Variants in SPMIP11 observed in about 807,000 individuals in gnomAD.
SPMIP11 encodes long intergenic non-protein coding RNA 935.
the SPMIP11 span, among the ~76,000 whole-genome samples, chr12:48,759,867 G>C: frequency 0.06 from 9,058 of 151,648 alleles, 880 homozygotes; most frequent in African/African-American, 0.21. Flanking sequence ...AGTGCAATGG[G>C]GCCATCTCAG....
At chr12:48,766,520 T>C in the SPMIP11 span, 1 of 152,638 alleles carries the variant, frequency 6.6e-6, no homozygotes. Context: ...CACCAAGTAG[T>C]CTCTTCCTAT....
At chr12:48,754,685 C>T in the SPMIP11 span, among the ~76,000 whole-genome samples, 1 of 151,766 alleles carries the variant, frequency 6.6e-6, no homozygotes, top group Non-Finnish European at 1.5e-5. Flanking sequence ...CTCCTGACCT[C>T]GTGATCCACC....
At chr12:48,745,222 G>A in the SPMIP11 span, among the ~76,000 whole-genome samples, 1,687 of 151,558 alleles carry the variant, frequency 0.011, 28 homozygotes, top group African/African-American at 0.04. Flanking sequence ...AGCTTGCAGT[G>A]AGCCGAGATC....
chr12:48,759,669 C>CAAA, the SPMIP11 span, among the ~76,000 whole-genome samples: 2 of 78,978 alleles, frequency 2.5e-5, no homozygotes, highest in Admixed American at 3.0e-4. Context: ...CACTTTGTCT[C>CAAA]AAAAAAAAAA....
At chr12:48,735,369 A>G in the SPMIP11 span, among the ~76,000 whole-genome samples, 1 of 152,182 alleles carries the variant, frequency 6.6e-6, no homozygotes, top group Admixed American at 6.6e-5. Context: ...ACTCTTCGGG[A>G]GGCCGAGGTG....
the SPMIP11 span, among the ~76,000 whole-genome samples, chr12:48,757,163 G>A: frequency 6.6e-5 from 10 of 152,058 alleles, no homozygotes; most frequent in Non-Finnish European, 1.3e-4. Flanking sequence ...TGACAGAATG[G>A]ATGGAACAGC....
the SPMIP11 span, among the ~76,000 whole-genome samples, chr12:48,751,375 AG>A: frequency 6.6e-6 from 1 of 152,172 alleles, no homozygotes; most frequent in Non-Finnish European, 1.5e-5. Context: ...GCACTTTGGG[AG>A]GCTTAGGCAA....
the SPMIP11 span, among the ~76,000 whole-genome samples, chr12:48,746,645 T>G: frequency 1.3e-5 from 2 of 151,406 alleles, no homozygotes; most frequent in African/African-American, 2.4e-5. Context: ...GATTACAGGC[T>G]TGAGCCACCA....
the SPMIP11 span, among the ~76,000 whole-genome samples, chr12:48,738,748 A>G: frequency 6.6e-6 from 1 of 151,944 alleles, no homozygotes; most frequent in Non-Finnish European, 1.5e-5. Flanking sequence ...GACAAAATGC[A>G]TTTTTATGAC....
At chr12:48,751,405 G>C in the SPMIP11 span, among the ~76,000 whole-genome samples, 1 of 152,132 alleles carries the variant, frequency 6.6e-6, no homozygotes, top group South Asian at 2.1e-4. Context: ...CTTGAGCCCA[G>C]GGGTCTGAGA....
chr12:48,771,061 T>G, the SPMIP11 span: 46 of 1,261,690 alleles, frequency 3.6e-5, no homozygotes, highest in South Asian at 6.0e-4. This position sits in a 1 kb window ranked among gnomAD's most constrained non-coding sequence, Gnocchi z 4.3. Flanking sequence ...CTTGGCTGCC[T>G]TCCCCACTTC....
chr12:48,763,162 T>C, the SPMIP11 span, among the ~76,000 whole-genome samples: 1 of 152,170 alleles, frequency 6.6e-6, no homozygotes, highest in Non-Finnish European at 1.5e-5. Context: ...AGCAAAACTT[T>C]AACATTTTTC....
At chr12:48,732,270 T>A in the SPMIP11 span, among the ~76,000 whole-genome samples, 1 of 152,166 alleles carries the variant, frequency 6.6e-6, no homozygotes, top group East Asian at 1.9e-4. Context: ...GACAAGAATT[T>A]AGTGAAATCA....
At chr12:48,766,126 G>A in the SPMIP11 span, 92 of 155,526 alleles carry the variant, frequency 5.9e-4, 2 homozygotes, top group Non-Finnish European at 1.9e-4. Context: ...GCAGGAGGTC[G>A]CCTCCTACAC....
chr12:48,739,056 G>T, the SPMIP11 span, among the ~76,000 whole-genome samples: 3 of 151,392 alleles, frequency 2.0e-5, no homozygotes, highest in Admixed American at 6.6e-5. Context: ...TTTTCTCCAT[G>T]AATATATACT....
chr12:48,768,656 C>A, the SPMIP11 span: 1 of 1,614,204 alleles, frequency 6.2e-7, no homozygotes, highest in Non-Finnish European at 8.5e-7. Flanking sequence ...ACCTTGACCA[C>A]CCCTCGACAC....
the SPMIP11 span, among the ~76,000 whole-genome samples, chr12:48,758,166 A>C: frequency 6.6e-6 from 1 of 152,164 alleles, no homozygotes; most frequent in Admixed American, 6.6e-5. Flanking sequence ...AGACCGTCTT[A>C]AAATACATAA....
the SPMIP11 span, among the ~76,000 whole-genome samples, chr12:48,735,003 C>A: frequency 6.3e-4 from 53 of 84,106 alleles, no homozygotes; most frequent in Middle Eastern, 6.9e-3. Flanking sequence ...GACTCTGTCT[C>A]AAAAAAAAAA....
the SPMIP11 span, among the ~76,000 whole-genome samples, chr12:48,737,108 C>G: frequency 2.6e-5 from 4 of 151,900 alleles, no homozygotes; most frequent in Non-Finnish European, 5.9e-5. Flanking sequence ...CACCACCATG[C>G]CTGGCTAATT....
Sources: allele counts gnomAD v4.1 joint callset (sites outside exome capture counted in the v4.1 genomes callset), GRCh38; gene constraint gnomAD v4.1.1; non-coding constraint Gnocchi (gnomAD v3.1); transcripts MANE v1.5; gene names NCBI Gene and HGNC (gene_info 2026-07-23, HGNC 2026-07-21).